RNF220: variants seen among roughly 807,000 people sequenced by gnomAD.
RNF220 encodes E3 ubiquitin-protein ligase RNF220.
A neutral mutation model predicts 67.1 loss-of-function variants in RNF220; 7 were observed. That is an observed-to-expected ratio of 0.10 (90% confidence interval 0.06 to 0.20). RNF220 has a LOEUF of 0.20. Among genes scored for constraint, RNF220 ranks in the 10% least tolerant of loss-of-function variants. The probability of loss-of-function intolerance (pLI) is 1.00; values close to 1 mark genes in which losing one functional copy is unlikely to be tolerated. For missense variants in RNF220, 565 were observed against 740.3 expected, an observed-to-expected ratio of 0.76 and a Z score of 2.75; for synonymous variants, 270 against 283.2, an observed-to-expected ratio of 0.95 and a Z score of 0.47.
chr1:44,517,474 TC>T (rs1659547510), intron 2 of RNF220, among the ~76,000 whole-genome samples: 1 of 152,244 alleles, frequency 6.6e-6, no homozygotes, highest in Admixed American at 6.5e-5. Flanking sequence ...CTTTCTTTTT[TC>T]TTTTAACCTG....
Position 44,600,094 on chromosome 1 carries a change from G to A in RNF220, c.626-14071G>A, listed in dbSNP as rs988719274. 6.6e-6 allele frequency among the ~76,000 whole-genome samples: 1 copy of A among 152,222 alleles called. No individual in the cohort carries two copies. The highest frequency in any genetic ancestry group is 2.4e-5 in the African/African-American group (1 of 41,448). ...TGACTTACTGGATGTAGGGACTGGA[G>A]TAAAGAGTAAAAATTAAGATTGTCA... is the stretch of plus-strand genomic sequence containing the variant. On this transcript the variant is annotated intron_variant, in intron 2 of 14. Transcript: ENST00000361799. This position sits in a 1 kb window ranked among gnomAD's most constrained non-coding sequence, Gnocchi z 4.0.
intron 2 of RNF220, among the ~76,000 whole-genome samples, chr1:44,526,742 C>G (rs1457377185): frequency 6.6e-6 from 1 of 152,076 alleles, no homozygotes; most frequent in Non-Finnish European, 1.5e-5. Flanking sequence ...TTACTCTCCC[C>G]TCTTCCTCTT....
chr1:44,473,076 T>C (rs1013273819), intron 2 of RNF220, among the ~76,000 whole-genome samples: 2 of 152,162 alleles, frequency 1.3e-5, no homozygotes, highest in Non-Finnish European at 2.9e-5. Flanking sequence ...TTCCTGGGAC[T>C]ACACTAGGCA....
At chr1:44,568,349 G>T (rs1664183366) in intron 2 of RNF220, among the ~76,000 whole-genome samples, 2 of 152,196 alleles carry the variant, frequency 1.3e-5, no homozygotes, top group African/African-American at 2.4e-5. Context: ...TGACTCACAT[G>T]TATTATCTCA....
Position 44,412,109 on chromosome 1 carries a change from C to T in RNF220, c.12C>T (p.His4=). The change falls in exon 2 of 15, where the codon CAC becomes CAT. Residue 4 remains histidine (H), a synonymous_variant. Transcript: ENST00000361799. This position sits in a 1 kb window ranked among gnomAD's most constrained non-coding sequence, Gnocchi z 5.3. MDL[H]RAAFKMENSS... Reference sequence around the variant, plus strand: ...AGAAAGAGACTCCGATGGACTTACACCGGGCAGCCTTCAAGATGGAGAACT... The same window carrying T: ...AGAAAGAGACTCCGATGGACTTACATCGGGCAGCCTTCAAGATGGAGAACT... 4.3e-6 allele frequency: 7 copies of T among 1,611,038 alleles called. No individual in the cohort carries two copies. Among genetic ancestry groups the T allele is most frequent in the Non-Finnish European group, 5.1e-6 (6 of 1,177,864 alleles).
At chr1:44,503,385 G>A (rs1658115933) in intron 2 of RNF220, among the ~76,000 whole-genome samples, 1 of 151,294 alleles carries the variant, frequency 6.6e-6, no homozygotes, top group Admixed American at 6.6e-5. Flanking sequence ...GCATTTTGGA[G>A]GTGAAAACGT....
At chr1:44,521,468 C>T (rs1370384120) in intron 2 of RNF220, among the ~76,000 whole-genome samples, 1 of 152,154 alleles carries the variant, frequency 6.6e-6, no homozygotes, top group African/African-American at 2.4e-5. Flanking sequence ...GAGACCTCAC[C>T]TGGTCAGGAC....
chr1:44,616,594 A>G (rs1573057364), intron 3 of RNF220, among the ~76,000 whole-genome samples: 1 of 150,034 alleles, frequency 6.7e-6, no homozygotes, highest in Non-Finnish European at 1.5e-5. Flanking sequence ...CCCCATCCCT[A>G]CCCCCCGCCC....
At chr1:44,644,884 A>AC (rs1644591823) in intron 9 of RNF220, 90 bp downstream of exon 9, 8 of 1,516,120 alleles carry the variant, frequency 5.3e-6, no homozygotes, top group East Asian at 4.5e-5. Flanking sequence ...CACCTGCACC[A>AC]CCCCCCGGGC....
intron 2 of RNF220, among the ~76,000 whole-genome samples, chr1:44,480,035 A>G (rs1655653303): frequency 6.6e-6 from 1 of 152,154 alleles, no homozygotes; most frequent in Non-Finnish European, 1.5e-5. Context: ...CTTGCTGCCC[A>G]CTTGCCTAGT....
chr1:44,463,079 G>A (rs58771029), intron 2 of RNF220, among the ~76,000 whole-genome samples: 5,799 of 152,272 alleles, frequency 0.038, 140 homozygotes, highest in South Asian at 0.11. Context: ...GCTCACGCCT[G>A]TAATCCCAGC....
intron 2 of RNF220, among the ~76,000 whole-genome samples, chr1:44,454,907 T>C (rs1297996734): frequency 6.6e-6 from 1 of 152,214 alleles, no homozygotes; most frequent in African/African-American, 2.4e-5. Flanking sequence ...TTCCATTATG[T>C]GGATATACCG....
At chr1:44,472,706 C>T (rs1247476057) in intron 2 of RNF220, among the ~76,000 whole-genome samples, 1 of 152,192 alleles carries the variant, frequency 6.6e-6, no homozygotes, top group Non-Finnish European at 1.5e-5. Flanking sequence ...TGTCACTCTC[C>T]TTCTCACACT....
chr1:44,639,288 G>A (rs1366059974), intron 8 of RNF220, among the ~76,000 whole-genome samples: 1 of 152,228 alleles, frequency 6.6e-6, no homozygotes, highest in Non-Finnish European at 1.5e-5. Context: ...CTGGAGAAGA[G>A]ACCTATAGTG....
intron 5 of RNF220, among the ~76,000 whole-genome samples, chr1:44,629,615 A>T (rs1644055819): frequency 6.6e-6 from 1 of 152,216 alleles, no homozygotes; most frequent in South Asian, 2.1e-4. Flanking sequence ...ACGCAAGTGG[A>T]CTGCTTGAGG....
rs1643877934 is a variant in RNF220 at position 44,624,022 on chromosome 1, G to T, written c.804+1235G>T. Among the ~76,000 whole-genome samples the T allele has an allele frequency of 6.6e-6, 1 of 152,244 alleles. No homozygotes were observed. The highest frequency in any genetic ancestry group is 6.5e-5 in the Admixed American group (1 of 15,286). ...ACCCTGCAAGCCTTTCAAAGGTATA[G>T]GAATGGATCGTGTACCTTCGTTTAG... On this transcript the variant is annotated intron_variant, in intron 4 of 14. Coordinates refer to ENST00000361799, the MANE Select transcript of RNF220 (RefSeq NM_018150.4). The surrounding 1 kb of genome is among the most constrained non-coding windows in gnomAD (Gnocchi z 4.2).
chr1:44,479,117 ATTTT>A (rs556142473), intron 2 of RNF220, among the ~76,000 whole-genome samples: 1 of 135,910 alleles, frequency 7.4e-6, no homozygotes, highest in African/African-American at 2.7e-5. Context: ...AACTTTGTGG[ATTTT>A]TTTTTTTTTT....
intron 2 of RNF220, among the ~76,000 whole-genome samples, chr1:44,490,464 G>A (rs1298588053): frequency 1.2e-4 from 18 of 145,624 alleles, no homozygotes; most frequent in Admixed American, 4.2e-4. Context: ...CAGCAAGAGC[G>A]AAACTTCATT....
intron 2 of RNF220, among the ~76,000 whole-genome samples, chr1:44,461,950 C>G (rs1202096696): frequency 5.2e-5 from 6 of 116,372 alleles, no homozygotes; most frequent in Non-Finnish European, 1.0e-4. Flanking sequence ...TTTTTTGAGC[C>G]AGAGTCTTGC....
Sources: gnomAD v4.1 joint callset for allele counts (sites outside exome capture counted in the v4.1 genomes callset) on GRCh38, gnomAD v4.1.1 for gene constraint, Gnocchi (gnomAD v3.1) non-coding constraint, MANE v1.5 for transcripts, NCBI Gene and HGNC (gene_info 2026-07-23, HGNC 2026-07-21) for gene names.